CTNNA3: variants seen among roughly 807,000 people sequenced by gnomAD.
The protein encoded by CTNNA3 is catenin alpha 3, also known as catenin alpha-3.
CTNNA3 carries 76 observed loss-of-function variants against 95.7 expected under a neutral mutation model. The ratio of observed to expected loss-of-function variants is 0.79; its 90% confidence interval spans 0.66 to 0.96. CTNNA3 has a LOEUF of 0.96. Ranked by LOEUF, CTNNA3 falls within the 40% of genes least tolerant of loss-of-function variation. CTNNA3 has a pLI of 0.00. For missense variants in CTNNA3, 1,191 were observed against 1,089.8 expected (o/e 1.09, Z -1.31); for synonymous variants, 431 against 374.4 (o/e 1.15, Z -1.74).
chr10:66,694,592 A>C (rs947314327), intron 9 of CTNNA3, among the ~76,000 whole-genome samples: 3 of 152,174 alleles, frequency 2.0e-5, no homozygotes, highest in African/African-American at 4.8e-5. Flanking sequence ...AAAAGAGGGA[A>C]TCCTCCCTAA....
At chr10:67,079,372 C>T (rs1012300519) in intron 7 of CTNNA3, among the ~76,000 whole-genome samples, 2 of 152,190 alleles carry the variant, frequency 1.3e-5, no homozygotes, top group Non-Finnish European at 2.9e-5. Context: ...AGCGATAGGG[C>T]AGTTCCTAGA....
intron 7 of CTNNA3, among the ~76,000 whole-genome samples, chr10:67,012,072 C>T (rs1019757481): frequency 6.6e-6 from 1 of 152,210 alleles, no homozygotes; most frequent in African/African-American, 2.4e-5. Context: ...CCAAAAATCA[C>T]AAGCTCCGTA....
intron 3 of CTNNA3, among the ~76,000 whole-genome samples, chr10:67,581,973 C>T (rs568019576): frequency 4.6e-5 from 7 of 152,038 alleles, no homozygotes; most frequent in South Asian, 2.1e-4. Context: ...GTCTTGATAG[C>T]GGTCTATCAA....
intron 3 of CTNNA3, among the ~76,000 whole-genome samples, chr10:67,575,837 T>C (rs1005754944): frequency 6.6e-6 from 1 of 152,218 alleles, no homozygotes; most frequent in Non-Finnish European, 1.5e-5. Context: ...TATGGTTGTA[T>C]TCCTTTGCTG....
At chr10:67,697,459 T>C (rs141292029), upstream of CTNNA3, among the ~76,000 whole-genome samples, 87 of 152,294 alleles carry the variant, frequency 5.7e-4, 2 homozygotes, top group African/African-American at 2.0e-3. Context: ...AGATGAGATA[T>C]CCAAATTCTA....
chr10:66,973,453 T>C (rs1042840965), intron 7 of CTNNA3, among the ~76,000 whole-genome samples: 4 of 152,204 alleles, frequency 2.6e-5, no homozygotes, highest in African/African-American at 9.6e-5. Context: ...CTTAGAAGCA[T>C]TAATTTCATA....
intron 7 of CTNNA3, among the ~76,000 whole-genome samples, chr10:66,876,703 A>C (rs186232285): frequency 6.6e-6 from 1 of 152,172 alleles, no homozygotes; most frequent in East Asian, 1.9e-4. Flanking sequence ...CCTTAGCAGG[A>C]TCAAGAAAGA....
At chr10:66,175,030 A>G (rs1050021383) in intron 13 of CTNNA3, among the ~76,000 whole-genome samples, 14 of 152,158 alleles carry the variant, frequency 9.2e-5, no homozygotes, top group Non-Finnish European at 1.8e-4. Flanking sequence ...ATATTGAGAA[A>G]GAAGGTACAA....
intron 13 of CTNNA3, among the ~76,000 whole-genome samples, chr10:66,175,213 C>T (rs2085646491): frequency 3.3e-5 from 5 of 152,012 alleles, no homozygotes; most frequent in Admixed American, 3.3e-4. Context: ...TCAGCTAAAG[C>T]CATGACAGGT....
At chr10:65,978,430 AT>A (rs58380415) in intron 16 of CTNNA3, among the ~76,000 whole-genome samples, 10,629 of 142,614 alleles carry the variant, frequency 0.075, 616 homozygotes, top group African/African-American at 0.17. Context: ...TATTGTAAGC[AT>A]TTTTTTTTTT....
chr10:67,231,492 C>G (rs945830125), intron 5 of CTNNA3, among the ~76,000 whole-genome samples: 1 of 152,174 alleles, frequency 6.6e-6, no homozygotes, highest in Admixed American at 6.5e-5. Context: ...AACTAACAAA[C>G]AGAAAGGACA....
At chr10:67,367,553 TCCCAATA>T (rs1843261815) in intron 5 of CTNNA3, among the ~76,000 whole-genome samples, 3 of 152,138 alleles carry the variant, frequency 2.0e-5, no homozygotes. Flanking sequence ...CGAACAGCAA[TCCCAATA>T]CTAGGGATAT....
chr10:66,812,369 C>G (rs750293195), intron 7 of CTNNA3, among the ~76,000 whole-genome samples: 1 of 152,006 alleles, frequency 6.6e-6, no homozygotes, highest in Non-Finnish European at 1.5e-5. Flanking sequence ...ATTTTGTTGA[C>G]ACAAATACAA....
intron 1 of CTNNA3, among the ~76,000 whole-genome samples, chr10:67,753,001 C>T (rs1473781379): frequency 1.3e-5 from 2 of 151,916 alleles, no homozygotes; most frequent in Non-Finnish European, 2.9e-5. Context: ...CAAAAAAGAC[C>T]CCATATAGCC....
rs542755928 is a variant in CTNNA3 at position 66,963,904 on chromosome 10, G to A, written c.1048-188380C>T. Among the ~76,000 whole-genome samples, 79 of 151,174 alleles carry A rather than the reference G, an allele frequency of 5.2e-4. 1 individual carries two copies. Among genetic ancestry groups the A allele is most frequent in the African/African-American group, 1.7e-3 (68 of 41,138 alleles). ...TGTTGCCAGGCTGGAGTGCAGTGGC[G>A]CAATCTCGGTTCACTGAAACCTCCA... On this transcript the variant is annotated intron_variant, in intron 7 of 17. Transcript: ENST00000433211.
At chr10:66,917,637 A>G (rs12769870) in intron 7 of CTNNA3, among the ~76,000 whole-genome samples, 62,387 of 152,044 alleles carry the variant, frequency 0.41, 13,134 homozygotes, top group Non-Finnish European at 0.46. Flanking sequence ...AAGATTGTCT[A>G]TTATCTTTCT....
rs192265083 is a variant in CTNNA3 at position 67,502,295 on chromosome 10, C to T, written c.579+19547G>A. ...ACCCTGTTTGCCTGGGAATCACCAG[C>T]GGAGGCTGCAGAACAGCAAAGACTG... On this transcript the variant is annotated intron_variant, in intron 5 of 17. Coordinates refer to ENST00000433211, the MANE Select transcript of CTNNA3 (RefSeq NM_013266.4). 4.4e-3 allele frequency among the ~76,000 whole-genome samples: 671 copies of T among 152,284 alleles called. 7 individuals are homozygous for T. The highest frequency in any genetic ancestry group is 0.015 in the African/African-American group (615 of 41,552).
At chr10:67,502,717 C>T (rs994166131) in intron 5 of CTNNA3, among the ~76,000 whole-genome samples, 2 of 152,218 alleles carry the variant, frequency 1.3e-5, no homozygotes, top group Admixed American at 6.5e-5. Context: ...CTTTGCTGAG[C>T]TGTGGTGGGC....
intron 5 of CTNNA3, among the ~76,000 whole-genome samples, chr10:67,315,424 C>T (rs572498861): frequency 1.2e-3 from 188 of 152,194 alleles, no homozygotes; most frequent in Non-Finnish European, 2.1e-3. Context: ...ATCTCAGTAA[C>T]GGGGAGGGGG....
Sources: gnomAD v4.1 joint callset for allele counts (sites outside exome capture counted in the v4.1 genomes callset) on GRCh38, gnomAD v4.1.1 for gene constraint, MANE v1.5 for transcripts, NCBI Gene and HGNC (gene_info 2026-07-23, HGNC 2026-07-21) for gene names.